The following BCAR3 variants were observed in gnomAD, a reference collection of about 807,000 sequenced individuals.
BCAR3 encodes breast cancer anti-estrogen resistance protein 3.
A neutral mutation model predicts 80.1 loss-of-function variants in BCAR3; 37 were observed. That is an observed-to-expected ratio of 0.46 (90% CI 0.36 to 0.61). The LOEUF is 0.61. BCAR3 is among the 20% of genes least tolerant of loss of function. The pLI is 0.00. For synonymous variants in BCAR3, 389 were observed against 418.9 expected (o/e 0.93, Z 0.87); for missense variants, 978 against 1,068.2 (o/e 0.92, Z 1.18).
At chr1:93,823,115 G>A (rs1333330870) in intron 2 of BCAR3, among the ~76,000 whole-genome samples, 1 of 133,200 alleles carries the variant, frequency 7.5e-6, no homozygotes, top group Non-Finnish European at 1.7e-5. Flanking sequence ...CTCTGAAGGC[G>A]TACAGCGTGG....
chr1:93,655,484 G>GT (rs759080766), intron 2 of BCAR3, among the ~76,000 whole-genome samples: 1 of 152,094 alleles, frequency 6.6e-6, no homozygotes, highest in Non-Finnish European at 1.5e-5. Flanking sequence ...GAAGAGAGAG[G>GT]TAAGGACACC....
At position 93,694,525 on chromosome 1, in the gene BCAR3, C is replaced by T. The variant is rs376219490; in HGVS notation, c.-12+11567G>A. On this transcript the variant is annotated intron_variant, in intron 3 of 13. Transcript: ENST00000370244. ...GGTCCCTTCCTCTTTCTTCTCCCTA[C>T]CCCTTTCTTTTCCAAACCTCTCATC... Among the ~76,000 whole-genome samples, 22 of 152,272 alleles carry T rather than the reference C, an allele frequency of 1.4e-4. No individual in the cohort carries two copies. In the South Asian group the frequency reaches 4.4e-3, roughly 30 times the overall value.
chr1:93,750,561 A>C (rs942657681), intron 2 of BCAR3, among the ~76,000 whole-genome samples: 4 of 152,214 alleles, frequency 2.6e-5, no homozygotes, highest in Admixed American at 2.0e-4. Context: ...ACTTACAACC[A>C]ACAGAATGCC....
chr1:93,630,352 G>T (rs1675577022), intron 3 of BCAR3, among the ~76,000 whole-genome samples: 1 of 152,108 alleles, frequency 6.6e-6, no homozygotes, highest in African/African-American at 2.4e-5. Flanking sequence ...GGCCGGGTGT[G>T]GTGGCTCAAA....
intron 3 of BCAR3, among the ~76,000 whole-genome samples, chr1:93,629,818 A>G (rs1213998333): frequency 6.6e-6 from 1 of 152,238 alleles, no homozygotes; most frequent in African/African-American, 2.4e-5. Context: ...AAAACAGTGT[A>G]TATCTCTGCC....
upstream of BCAR3, among the ~76,000 whole-genome samples, chr1:93,686,815 C>A (rs1036623590): frequency 6.6e-6 from 1 of 152,182 alleles, no homozygotes; most frequent in African/African-American, 2.4e-5. Flanking sequence ...TCATTCTTGT[C>A]CATGACCACT....
At chr1:93,840,758 T>G (rs899358792) in intron 2 of BCAR3, among the ~76,000 whole-genome samples, 7 of 152,196 alleles carry the variant, frequency 4.6e-5, no homozygotes, top group African/African-American at 1.7e-4. Flanking sequence ...TGGGGAGAAT[T>G]ACAAAACAGT....
chr1:93,803,046 G>T (rs78949166), intron 2 of BCAR3, among the ~76,000 whole-genome samples: 1,663 of 152,272 alleles, frequency 0.011, 35 homozygotes, highest in African/African-American at 0.039. Flanking sequence ...GCAGTGAGGT[G>T]CTTCAAATGT....
intron 2 of BCAR3, among the ~76,000 whole-genome samples, chr1:93,842,561 A>G (rs1487771112): frequency 1.3e-5 from 2 of 152,162 alleles, no homozygotes; most frequent in Non-Finnish European, 2.9e-5. Context: ...AAAGATGAAG[A>G]AATCAGACAA....
intron 2 of BCAR3, among the ~76,000 whole-genome samples, chr1:93,720,993 C>T (rs1650375635): frequency 2.0e-5 from 3 of 152,290 alleles, no homozygotes; most frequent in Admixed American, 2.0e-4. Context: ...CTAGCCTGAG[C>T]CAGCTCCGCA....
intron 3 of BCAR3, among the ~76,000 whole-genome samples, chr1:93,626,240 T>G (rs925698357): frequency 1.1e-4 from 17 of 152,210 alleles, no homozygotes; most frequent in African/African-American, 4.1e-4. Context: ...AAATGAAAAT[T>G]TAATGTCTTT....
chr1:93,759,780 A>G (rs1651872311), intron 2 of BCAR3, among the ~76,000 whole-genome samples: 1 of 152,200 alleles, frequency 6.6e-6, no homozygotes, highest in African/African-American at 2.4e-5. Flanking sequence ...AGAAAGCCAC[A>G]CAGGAGGTGC....
chr1:93,814,528 C>G (rs1163913609), intron 2 of BCAR3, among the ~76,000 whole-genome samples: 1 of 152,232 alleles, frequency 6.6e-6, no homozygotes, highest in East Asian at 1.9e-4. Flanking sequence ...GACTCACGTC[C>G]ACTACCTGCA....
chr1:93,822,656 G>A (rs528968259), intron 2 of BCAR3, among the ~76,000 whole-genome samples: 36 of 152,292 alleles, frequency 2.4e-4, no homozygotes, highest in Non-Finnish European at 4.7e-4. Context: ...CTTTGGATAT[G>A]GCTGGAGAAA....
At chr1:93,811,318 G>A (rs1653832959) in intron 2 of BCAR3, among the ~76,000 whole-genome samples, 1 of 152,212 alleles carries the variant, frequency 6.6e-6, no homozygotes, top group South Asian at 2.1e-4. Flanking sequence ...GGTGAATGCT[G>A]TAGCAGGGAA....
intron 2 of BCAR3, among the ~76,000 whole-genome samples, chr1:93,670,347 A>G (rs1469729901): frequency 6.6e-6 from 1 of 152,192 alleles, no homozygotes; most frequent in Non-Finnish European, 1.5e-5. Flanking sequence ...CAAGAGATAC[A>G]GTCACCAAAA....
At chr1:93,645,638 T>TTGTGTGTG (rs71588504) in intron 2 of BCAR3, among the ~76,000 whole-genome samples, 5,444 of 149,716 alleles carry the variant, frequency 0.036, 140 homozygotes, top group East Asian at 0.08. Flanking sequence ...TACAGGATCT[T>TTGTGTGTG]TGTGTGTGTG....
intron 2 of BCAR3, among the ~76,000 whole-genome samples, chr1:93,708,331 T>C (rs991729720): frequency 2.0e-5 from 3 of 152,210 alleles, no homozygotes; most frequent in African/African-American, 7.2e-5. Flanking sequence ...ATGGGACTGA[T>C]GTTAAGCTAA....
At position 93,596,373 on chromosome 1, in the gene BCAR3, T is replaced by C. The variant is rs532857743; in HGVS notation, c.358-3980A>G. On this transcript the variant is annotated intron_variant, in intron 3 of 11. Transcript: ENST00000260502. The stretch of plus-strand genomic sequence containing the variant: ...TTGTTCAAATCCACCCCAGTTCCCA[T>C]AGCCTTTTCTCCTAGCTCATTTCCA... 1.1e-4 allele frequency among the ~76,000 whole-genome samples: 16 copies of C among 152,340 alleles called. No individual in the cohort carries two copies. The South Asian group carries it at 2.7e-3, about 26-fold the overall frequency.
Sources: gnomAD v4.1 joint callset for allele counts (sites outside exome capture counted in the v4.1 genomes callset) on GRCh38, gnomAD v4.1.1 for gene constraint, MANE v1.5 for transcripts, NCBI Gene and HGNC (gene_info 2026-07-23, HGNC 2026-07-21) for gene names.